Variants in DNAJC17 observed in about 807,000 individuals in gnomAD.
DNAJC17 encodes DnaJ heat shock protein family (Hsp40) member C17.
Under a neutral mutation model 48.1 loss-of-function variants are expected in DNAJC17, and 35 were observed. That is an observed-to-expected ratio of 0.73 (90% CI 0.56 to 0.96). DNAJC17 has a LOEUF of 0.96. Among genes scored for constraint, DNAJC17 ranks in the 50% least tolerant of loss-of-function variants. The pLI, the probability that DNAJC17 is intolerant of heterozygous loss-of-function variation, is 0.00. For missense variants in DNAJC17, 355 were observed against 377.1 expected, an observed-to-expected ratio of 0.94 and a Z score of 0.48; for synonymous variants, 117 against 142.7, an observed-to-expected ratio of 0.82 and a Z score of 1.28.
At chr15:40,784,053 C>A (rs1162078766) in intron 1 of DNAJC17, among the ~76,000 whole-genome samples, 1 of 151,554 alleles carries the variant, frequency 6.6e-6, no homozygotes, top group Non-Finnish European at 1.5e-5. Flanking sequence ...GTGGTAAAAC[C>A]CCGTCTCTAC....
At chr15:40,785,974 G>A (rs1251508826) in intron 1 of DNAJC17, among the ~76,000 whole-genome samples, 2 of 152,176 alleles carry the variant, frequency 1.3e-5, no homozygotes, top group African/African-American at 2.4e-5. Context: ...TTTTAGCCTG[G>A]AAGACCAGTT....
Position 40,807,374 on chromosome 15 carries a change from T to C in DNAJC17, c.73A>G (p.Lys25Glu), listed in dbSNP as rs1890275277. The change falls in exon 1 of 11, where the codon AAA (lysine) becomes GAA (glutamate). Residue 25 changes from lysine (K) to glutamate (E), a missense_variant. Physicochemically the swap from Lys to Glu is moderately conservative, Grantham distance 56. Around this residue, in one of 3 missense-constraint regions of DNAJC17, gnomAD observed 199 missense variants for 199.9 expected, o/e 1.00. Coordinates refer to ENST00000220496, the MANE Select transcript of DNAJC17 (RefSeq NM_018163.3). ...TTCCTCGCCACCGTTCTCACCTCTT[T>C]GTCCGCTGCCTTCTCCTCAATGCCT... ...LLGIEEKAADKEVKKAYRQKA... is the reference protein window; with the variant it reads ...LLGIEEKAADEEVKKAYRQKA... The C allele has an allele frequency of 1.2e-6, 2 of 1,614,264 alleles. No homozygotes were observed. The highest frequency in any genetic ancestry group is 1.7e-6 in the Non-Finnish European group (2 of 1,180,050).
chr15:40,785,857 C>G (rs895444289), intron 1 of DNAJC17, among the ~76,000 whole-genome samples: 1 of 152,210 alleles, frequency 6.6e-6, no homozygotes, highest in Non-Finnish European at 1.5e-5. Context: ...GGCCTTGAAT[C>G]AAAACCCAGC....
rs1888962704 is a variant in DNAJC17, at chr15:40,766,957, G to A, written c.*983C>T. On this transcript the variant is annotated 3_prime_UTR_variant, in exon 11 of 11. Coordinates refer to ENST00000220496, the MANE Select transcript of DNAJC17 (RefSeq NM_018163.3). ...CATGGTCTACCATCTGGGACGCTGG[G>A]GAACCTGATTAACCCCTCTGTTTTC... The A allele has an allele frequency of 3.6e-6, 1 of 279,268 alleles. No individual in the cohort carries two copies. Among genetic ancestry groups the A allele is most frequent in the South Asian group, 1.4e-4 (1 of 6,918 alleles). 17.3% of individuals were successfully genotyped at this position (279,268 alleles called of 1,614,324 possible).
At chr15:40,784,208 T>C (rs1889582436) in intron 1 of DNAJC17, among the ~76,000 whole-genome samples, 1 of 151,756 alleles carries the variant, frequency 6.6e-6, no homozygotes, top group South Asian at 2.1e-4. Flanking sequence ...AAAAATAAAA[T>C]TCTGTCTCAA....
In DNAJC17 at chr15:40,770,560, G is replaced by A. The variant is rs186113485; in HGVS notation, c.793-2498C>T. On this transcript the variant is annotated intron_variant, in intron 10 of 10. Coordinates refer to ENST00000220496, the MANE Select transcript of DNAJC17 (RefSeq NM_018163.3). The surrounding 1 kb of genome is among the most constrained non-coding windows in gnomAD (Gnocchi z 5.0). ...TTCTTCAAGCAGCTGAGCCTGGGGC[G>A]GCCACGGCGGCTCCGGCGACAGAGT... The A allele has an allele frequency of 5.8e-4, 894 of 1,550,638 alleles. 2 individuals are homozygous for A. In the African/African-American group the frequency reaches 7.4e-3, roughly 13 times the overall value.
chr15:40,774,998 T>G (rs370182563), intron 8 of DNAJC17, 33 bp downstream of exon 8: 9 of 1,611,646 alleles, frequency 5.6e-6, no homozygotes, highest in African/African-American at 1.3e-5. Context: ...TGGACTGAGA[T>G]GATAGGAAAG....
intron 1 of DNAJC17, among the ~76,000 whole-genome samples, chr15:40,804,146 TAG>T (rs796900886): frequency 1.3e-5 from 2 of 150,598 alleles, no homozygotes; most frequent in South Asian, 2.1e-4. Context: ...TTTTTATATA[TAG>T]AGAGAGAGAC....
chr15:40,766,940 A>AC lies in DNAJC17; in HGVS notation c.*999dup, dbSNP rs1417788425. On this transcript the variant is annotated 3_prime_UTR_variant, in exon 11 of 11. Coordinates refer to ENST00000220496, the MANE Select transcript of DNAJC17 (RefSeq NM_018163.3). ...GGCTGTGGTCAGACTAACATGGTCT[A>AC]CCATCTGGGACGCTGGGGAACCTGA... 1.9e-4 allele frequency: 46 copies of AC among 238,840 alleles called. No individual in the cohort carries two copies. The highest frequency in any genetic ancestry group is 1.0e-3 in the African/African-American group (45 of 44,668). 14.8% of individuals were successfully genotyped at this position (238,840 alleles called of 1,614,324 possible).
intron 4 of DNAJC17, among the ~76,000 whole-genome samples, chr15:40,778,546 CG>C (rs1369970717): frequency 2.0e-5 from 3 of 150,784 alleles, no homozygotes; most frequent in African/African-American, 7.5e-5. Context: ...CCACCGCGCC[CG>C]GCCACAAGCA....
intron 1 of DNAJC17, among the ~76,000 whole-genome samples, chr15:40,803,388 G>C (rs1381213496): frequency 6.6e-6 from 1 of 152,164 alleles, no homozygotes; most frequent in Non-Finnish European, 1.5e-5. Flanking sequence ...GGTTTTTCTT[G>C]CTTTCTACCA....
chr15:40,795,772 G>A (rs961303863), intron 1 of DNAJC17, among the ~76,000 whole-genome samples: 1 of 152,152 alleles, frequency 6.6e-6, no homozygotes, highest in Non-Finnish European at 1.5e-5. Context: ...GTGGGCACCT[G>A]TAGTCCCAGG....
In DNAJC17 at chr15:40,794,656, G is replaced by A. The variant is rs182311534; in HGVS notation, c.78+12713C>T. On this transcript the variant is annotated intron_variant, in intron 1 of 10. Coordinates refer to ENST00000220496, the MANE Select transcript of DNAJC17 (RefSeq NM_018163.3). ...CACTGTACTTTGGCTGGGGCAAAGCGAGACCATCTTTAAAAAAACAAAAAA... is the reference window on the plus strand; with the variant it reads ...CACTGTACTTTGGCTGGGGCAAAGCAAGACCATCTTTAAAAAAACAAAAAA... Among the ~76,000 whole-genome samples the A allele has an allele frequency of 1.4e-3, 210 of 152,210 alleles. 1 individual carries two copies. Among genetic ancestry groups the A allele is most frequent in the African/African-American group, 4.6e-3 (193 of 41,554 alleles).
chr15:40,794,351 GA>G (rs879484838), intron 1 of DNAJC17, among the ~76,000 whole-genome samples: 1 of 146,654 alleles, frequency 6.8e-6, no homozygotes, highest in South Asian at 2.2e-4. Flanking sequence ...CTCCATCTCA[GA>G]AAAAAAAACA....
chr15:40,779,224 A>G lies in DNAJC17; in HGVS notation c.294T>C (p.Leu98=). The change falls in exon 4 of 11, where the codon CTT becomes CTC. Residue 98 remains leucine, a splice_region_variant and synonymous_variant. Coordinates refer to ENST00000220496, the MANE Select transcript of DNAJC17 (RefSeq NM_018163.3). ...ACCGAGCACTATGATGGCACCTACC[A>G]AGCTTCACTTTCTTCCTTTTCTCAT... is the stretch of plus-strand genomic sequence containing the variant. ...KLDEKRKKVK[L]DLEARERQAQ... 1 of 1,614,034 alleles carries G rather than the reference A, an allele frequency of 6.2e-7. No individual in the cohort carries two copies. Among genetic ancestry groups the G allele is most frequent in the Non-Finnish European group, 8.5e-7 (1 of 1,179,986 alleles).
rs994780336 is a variant in DNAJC17, at chr15:40,779,441, C to G, written c.207+104G>C. On this transcript the variant is annotated intron_variant, in intron 3 of 10. Transcript: ENST00000220496. ...GGTGACTGGGTCTCCTGGGCTTAGA[C>G]AGCAAGGACTGTGCCACATGGCAAA... 305 of 1,567,992 alleles carry G rather than the reference C, an allele frequency of 1.9e-4. 1 individual carries two copies. The highest frequency in any genetic ancestry group is 2.9e-4 in the Admixed American group (17 of 58,804).
chr15:40,788,791 T>G (rs996211890), intron 1 of DNAJC17, among the ~76,000 whole-genome samples: 5 of 152,122 alleles, frequency 3.3e-5, no homozygotes, highest in African/African-American at 4.8e-5. Context: ...AAGGATTATT[T>G]GAGTCCACGA....
At chr15:40,776,927 G>A (rs1889342877) in intron 4 of DNAJC17, 2 of 313,552 alleles carry the variant, frequency 6.4e-6, no homozygotes, top group Admixed American at 4.4e-5. Context: ...AGCAGCCCAG[G>A]GCCATGTGTC....
chr15:40,780,250 G>C, intron 1 of DNAJC17: 1 of 631,884 alleles, frequency 1.6e-6, no homozygotes, highest in Non-Finnish European at 2.9e-6. Flanking sequence ...ATGTCCAGGG[G>C]CTGCTGCAAC....
Sources: allele counts gnomAD v4.1 joint callset (sites outside exome capture counted in the v4.1 genomes callset), GRCh38; gene constraint gnomAD v4.1.1; regional missense constraint gnomAD v4.1.1; non-coding constraint Gnocchi (gnomAD v3.1); transcripts MANE v1.5; gene names NCBI Gene and HGNC (gene_info 2026-07-23, HGNC 2026-07-21).